The following SKAP1 variants were observed in gnomAD, a reference collection of about 807,000 sequenced individuals.
The protein encoded by SKAP1 is src kinase associated phosphoprotein 1, also known as src kinase-associated phosphoprotein 1.
A neutral mutation model predicts 58.5 loss-of-function variants in SKAP1; 44 were observed. The ratio of observed to expected loss-of-function variants is 0.75; its 90% CI spans 0.59 to 0.97. The LOEUF is 0.97. SKAP1 is among the 50% of genes least tolerant of loss of function. The probability of loss-of-function intolerance (pLI) is 0.00; values close to 1 mark genes in which losing one functional copy is unlikely to be tolerated. For synonymous variants in SKAP1, 127 were observed against 149.7 expected (o/e 0.85, Z 1.11); for missense variants, 390 against 435.2 (o/e 0.90, Z 0.92).
chr17:48,443,755 C>T, the SKAP1 span, among the ~76,000 whole-genome samples: 2 of 152,100 alleles, frequency 1.3e-5, no homozygotes, highest in Non-Finnish European at 2.9e-5. Flanking sequence ...GGATTACAGG[C>T]GTGAGCCACC....
At chr17:48,335,923 G>A (rs767232902) in intron 4 of SKAP1, among the ~76,000 whole-genome samples, 6 of 152,122 alleles carry the variant, frequency 3.9e-5, no homozygotes, top group Non-Finnish European at 5.9e-5. Flanking sequence ...CTGAGTATGC[G>A]TATGCGTACG....
At chr17:48,291,167 G>T (rs1050395508) in intron 4 of SKAP1, among the ~76,000 whole-genome samples, 1 of 152,086 alleles carries the variant, frequency 6.6e-6, no homozygotes. Context: ...CTCAGAACTT[G>T]CATTTCTCTA....
At chr17:48,296,284 G>A (rs1334345046) in intron 4 of SKAP1, among the ~76,000 whole-genome samples, 1 of 151,948 alleles carries the variant, frequency 6.6e-6, no homozygotes, top group Non-Finnish European at 1.5e-5. Context: ...TCCTACCTTC[G>A]GATGCTTATT....
intron 4 of SKAP1, among the ~76,000 whole-genome samples, chr17:48,311,107 C>T (rs2066218911): frequency 6.6e-6 from 1 of 152,074 alleles, no homozygotes; most frequent in East Asian, 1.9e-4. Flanking sequence ...AAACTCCGTT[C>T]ACATTTGCAT....
In SKAP1 at chr17:48,290,557, A is replaced by C. The variant is rs558221644; in HGVS notation, c.280+55348T>G. 3.3e-5 allele frequency among the ~76,000 whole-genome samples: 5 copies of C among 152,314 alleles called. No individual in the cohort carries two copies. In the East Asian group the frequency reaches 9.6e-4, roughly 29 times the overall value. On this transcript the variant is annotated intron_variant, in intron 4 of 12. Transcript: ENST00000336915. ...CTTGAGGAAGGAAAGGCAAATCTTA[A>C]GCTTTACACTGTACCTTAGCACACT... is the stretch of plus-strand genomic sequence containing the variant.
intron 10 of SKAP1, among the ~76,000 whole-genome samples, chr17:48,166,855 C>CT (rs892592108): frequency 5.3e-5 from 8 of 150,232 alleles, no homozygotes; most frequent in African/African-American, 2.0e-4. Context: ...CAAGTAAACT[C>CT]TGACAATTTT....
intron 4 of SKAP1, among the ~76,000 whole-genome samples, chr17:48,295,241 T>C (rs963902938): frequency 1.3e-5 from 2 of 152,318 alleles, no homozygotes; most frequent in African/African-American, 2.4e-5. Context: ...TCTGATTCCA[T>C]AGACGTCTAA....
chr17:48,310,108 AACTTTC>A (rs1333675346), intron 4 of SKAP1, among the ~76,000 whole-genome samples: 7 of 152,250 alleles, frequency 4.6e-5, no homozygotes, highest in Admixed American at 2.0e-4. Flanking sequence ...TGCATGCACC[AACTTTC>A]ACTATATTCT....
intron 4 of SKAP1, among the ~76,000 whole-genome samples, chr17:48,198,399 G>A (rs1041272419): frequency 7.3e-6 from 1 of 137,550 alleles, no homozygotes; most frequent in Non-Finnish European, 1.5e-5. Flanking sequence ...AGCTTGCAGT[G>A]AGCCGAGATG....
chr17:48,405,445 CTTTCTTTT>C (rs2067565775), intron 1 of SKAP1, among the ~76,000 whole-genome samples: 3 of 65,766 alleles, frequency 4.6e-5, no homozygotes, highest in African/African-American at 6.0e-5. Context: ...TTCTTTCTTT[CTTTCTTTT>C]CTTTCTTTCT....
intron 4 of SKAP1, among the ~76,000 whole-genome samples, chr17:48,305,927 C>T (rs2066135435): frequency 1.3e-5 from 2 of 152,140 alleles, no homozygotes; most frequent in African/African-American, 4.8e-5. Context: ...TAAACTACCT[C>T]ATGGGCTCTC....
intron 11 of SKAP1, among the ~76,000 whole-genome samples, chr17:48,158,269 G>T (rs1311041918): frequency 1.3e-5 from 2 of 151,728 alleles, no homozygotes; most frequent in Non-Finnish European, 2.9e-5. Context: ...CCTCTGGGCC[G>T]GTTGCGCTGG....
intron 4 of SKAP1, among the ~76,000 whole-genome samples, chr17:48,304,546 G>C (rs534473599): frequency 2.0e-5 from 3 of 152,132 alleles, no homozygotes; most frequent in Non-Finnish European, 4.4e-5. Flanking sequence ...GCTGTATCAC[G>C]AGAGACTCAG....
intron 4 of SKAP1, among the ~76,000 whole-genome samples, chr17:48,342,171 C>G (rs1045860011): frequency 6.6e-6 from 1 of 152,064 alleles, no homozygotes; most frequent in Non-Finnish European, 1.5e-5. Context: ...ACATTTTTTT[C>G]CTTCCATATG....
intron 2 of SKAP1, among the ~76,000 whole-genome samples, chr17:48,385,122 A>T (rs2067259953): frequency 6.6e-6 from 1 of 152,224 alleles, no homozygotes; most frequent in Non-Finnish European, 1.5e-5. Flanking sequence ...CAAATGCTAC[A>T]GAAAGACCAA....
At chr17:48,153,026 C>CAA (rs2063921501) in intron 11 of SKAP1, among the ~76,000 whole-genome samples, 1 of 4,590 alleles carries the variant, frequency 2.2e-4, no homozygotes, top group African/African-American at 4.5e-4. Context: ...TGCACATGGA[C>CAA]ACACACACAC....
chr17:48,369,395 G>A (rs1567886603), intron 2 of SKAP1, among the ~76,000 whole-genome samples: 2 of 151,428 alleles, frequency 1.3e-5, no homozygotes, highest in South Asian at 2.1e-4. Flanking sequence ...GGAGGCTGAG[G>A]TGGGAGGATT....
chr17:48,247,879 A>C (rs1486355874), intron 4 of SKAP1, among the ~76,000 whole-genome samples: 1 of 152,108 alleles, frequency 6.6e-6, no homozygotes, highest in Non-Finnish European at 1.5e-5. Context: ...TGACCTGCTT[A>C]TTTTCTTTAT....
At chr17:48,289,487 T>C (rs1277282535) in intron 4 of SKAP1, among the ~76,000 whole-genome samples, 5 of 152,192 alleles carry the variant, frequency 3.3e-5, no homozygotes, top group Non-Finnish European at 5.9e-5. Flanking sequence ...TGTTTGCTGA[T>C]TTCTACTACT....
Sources: gnomAD v4.1 joint callset for allele counts (sites outside exome capture counted in the v4.1 genomes callset) on GRCh38, gnomAD v4.1.1 for gene constraint, MANE v1.5 for transcripts, NCBI Gene and HGNC (gene_info 2026-07-23, HGNC 2026-07-21) for gene names.